Variants in PTGER4 observed in about 807,000 individuals in gnomAD.
PTGER4 encodes prostaglandin E receptor 4.
PTGER4 carries 11 observed loss-of-function variants against 33.2 expected under a neutral mutation model. The observed-to-expected ratio is 0.33, with a 90% CI of 0.21 to 0.55. PTGER4 has a LOEUF of 0.55. PTGER4 is among the 20% of genes least tolerant of loss of function. The pLI is 0.92. For synonymous variants in PTGER4, 275 were observed against 281.5 expected, an observed-to-expected ratio of 0.98 and a Z score of 0.23; for missense variants, 481 against 650.2, an observed-to-expected ratio of 0.74 and a Z score of 2.83.
intron 2 of PTGER4, among the ~76,000 whole-genome samples, chr5:40,690,718 T>C (rs1279810074): frequency 6.6e-6 from 1 of 152,218 alleles, no homozygotes; most frequent in African/African-American, 2.4e-5. Context: ...GATTAGATGG[T>C]TAATTGACTT....
At chr5:40,717,889 C>T in the PTGER4 span, among the ~76,000 whole-genome samples, 1 of 151,776 alleles carries the variant, frequency 6.6e-6, no homozygotes, top group Admixed American at 6.6e-5. Flanking sequence ...GGTGAAAACC[C>T]GTCTCTACTA....
chr5:40,696,722 TTTAACCA>T (rs1400323421), downstream of PTGER4: 1 of 981,086 alleles, frequency 1.0e-6, no homozygotes, highest in African/African-American at 1.8e-5. Flanking sequence ...CCTAAGAACG[TTTAACCA>T]CAGCAACTCT....
At chr5:40,723,520 A>T in the PTGER4 span, among the ~76,000 whole-genome samples, 65 of 152,182 alleles carry the variant, frequency 4.3e-4, no homozygotes, top group Admixed American at 3.4e-3. Flanking sequence ...ATTAAAAAAA[A>T]AAAAAAAAGA....
chr5:40,743,039 C>G, the PTGER4 span, among the ~76,000 whole-genome samples: 1 of 152,126 alleles, frequency 6.6e-6, no homozygotes, highest in African/African-American at 2.4e-5. Context: ...CTGGAGCTTA[C>G]ATTCTTACAA....
chr5:40,713,625 G>A, the PTGER4 span, among the ~76,000 whole-genome samples: 1 of 152,108 alleles, frequency 6.6e-6, no homozygotes, highest in African/African-American at 2.4e-5. Context: ...AATGATATAT[G>A]ATTCTTGTGT....
At chr5:40,706,636 G>A in the PTGER4 span, among the ~76,000 whole-genome samples, 1 of 151,754 alleles carries the variant, frequency 6.6e-6, no homozygotes, top group Non-Finnish European at 1.5e-5. Flanking sequence ...AAATCTTTGT[G>A]ATTTGGGAGT....
At chr5:40,712,097 G>A in the PTGER4 span, among the ~76,000 whole-genome samples, 5 of 152,014 alleles carry the variant, frequency 3.3e-5, no homozygotes, top group African/African-American at 1.2e-4. Context: ...AGTTAATAGA[G>A]GTGAACAGAG....
chr5:40,711,132 T>A, the PTGER4 span, among the ~76,000 whole-genome samples: 1 of 151,900 alleles, frequency 6.6e-6, no homozygotes, highest in African/African-American at 2.4e-5. Context: ...GATAGGAAGA[T>A]AATATACACA....
chr5:40,746,263 T>C, the PTGER4 span, among the ~76,000 whole-genome samples: 1 of 152,166 alleles, frequency 6.6e-6, no homozygotes, highest in Non-Finnish European at 1.5e-5. Context: ...TGGGTGCATA[T>C]AGGAACAACT....
At chr5:40,732,048 CAG>C in the PTGER4 span, among the ~76,000 whole-genome samples, 1 of 152,196 alleles carries the variant, frequency 6.6e-6, no homozygotes, top group African/African-American at 2.4e-5. Context: ...TTTTGAGAGA[CAG>C]AGTCTTGCTC....
chr5:40,710,977 AATG>A, the PTGER4 span, among the ~76,000 whole-genome samples: 37 of 152,224 alleles, frequency 2.4e-4, no homozygotes, highest in African/African-American at 8.7e-4. Context: ...ACCTAATGTA[AATG>A]ATGAGTTAAT....
chr5:40,709,120 A>C, the PTGER4 span, among the ~76,000 whole-genome samples: 12 of 152,154 alleles, frequency 7.9e-5, no homozygotes, highest in African/African-American at 1.4e-4. Context: ...TGAAAACTGG[A>C]ACAAGACAGG....
At position 40,681,897 on chromosome 5, in the gene PTGER4, T is replaced by G; in HGVS notation, c.867+37T>G. 1 of 1,478,430 alleles carries G rather than the reference T, an allele frequency of 6.8e-7. No individual in the cohort carries two copies. The allele number at this position is 1,478,430 out of a possible 1,614,324, so 91.6% of individuals were successfully genotyped here. On this transcript the variant is annotated intron_variant, in intron 2 of 2. Transcript: ENST00000302472. The surrounding 1 kb of genome is among the most constrained non-coding windows in gnomAD (Gnocchi z 9.8). ...GGGCTGGGGCCCTACTCGGCCTTTT[T>G]CTCGCATCCACCTCCCGCGTCCATT...
At chr5:40,696,451 CA>C (rs933588631), downstream of PTGER4, among the ~76,000 whole-genome samples, 32 of 152,122 alleles carry the variant, frequency 2.1e-4, no homozygotes, top group African/African-American at 7.7e-4. Context: ...AAATAGAACC[CA>C]AAAAAACAAG....
In PTGER4 at chr5:40,683,179, G is replaced by A. The variant is rs939609101; in HGVS notation, c.867+1319G>A. On this transcript the variant is annotated intron_variant, in intron 2 of 2. Coordinates refer to ENST00000302472, the MANE Select transcript of PTGER4 (RefSeq NM_000958.3). This position sits in a 1 kb window ranked among gnomAD's most constrained non-coding sequence, Gnocchi z 4.2. ...AACAAGAGAATATAAAATGTAATGG[G>A]CTATTATTCCTTCCTTTTCCTTATT... Among the ~76,000 whole-genome samples the A allele has an allele frequency of 5.3e-5, 8 of 152,138 alleles. No individual in the cohort carries two copies. Among genetic ancestry groups the A allele is most frequent in the African/African-American group, 1.9e-4 (8 of 41,428 alleles).
chr5:40,685,445 A>C (rs1301007895), intron 2 of PTGER4: 1 of 985,346 alleles, frequency 1.0e-6, no homozygotes, highest in Non-Finnish European at 1.2e-6. Flanking sequence ...ATGAGTGTGA[A>C]GCACATCTAT....
At position 40,691,842 on chromosome 5, in the gene PTGER4, G is replaced by C; in HGVS notation, c.931G>C (p.Asp311His). 6.2e-7 allele frequency: 1 copy of C among 1,614,226 alleles called. No homozygotes were observed. The highest frequency in any genetic ancestry group is 8.5e-7 in the Non-Finnish European group (1 of 1,180,042). Residue 311 changes from aspartate (D) to histidine (H), a missense_variant, in exon 3 of 3, where the codon GAT becomes CAT. Around this residue, in one of 7 missense-constraint regions of PTGER4, gnomAD observed 174 missense variants for 210.5 expected, o/e 0.83. Coordinates refer to ENST00000302472, the MANE Select transcript of PTGER4 (RefSeq NM_000958.3). The surrounding 1 kb of genome is among the most constrained non-coding windows in gnomAD (Gnocchi z 4.2). Reference sequence around the variant, plus strand: ...GGAGCGAGAAGTCAGTAAAAATCCAGATTTGCAGGCCATCCGAATTGCTTC... The same window carrying C: ...GGAGCGAGAAGTCAGTAAAAATCCACATTTGCAGGCCATCCGAATTGCTTC... ...SLEREVSKNP[D>H]LQAIRIASVN...
the PTGER4 span, among the ~76,000 whole-genome samples, chr5:40,738,838 T>C: frequency 0.34 from 52,059 of 151,986 alleles, 10,026 homozygotes; most frequent in Admixed American, 0.45. Context: ...TGGTCATTCA[T>C]ATATTTTCTT....
At chr5:40,739,878 GT>G in the PTGER4 span, among the ~76,000 whole-genome samples, 2 of 151,930 alleles carry the variant, frequency 1.3e-5, no homozygotes. Flanking sequence ...TTTTATACAT[GT>G]TTTGCTGAAT....
Sources: gnomAD v4.1 joint callset for allele counts (sites outside exome capture counted in the v4.1 genomes callset) on GRCh38, gnomAD v4.1.1 for gene constraint, gnomAD v4.1.1 regional missense constraint, Gnocchi (gnomAD v3.1) non-coding constraint, MANE v1.5 for transcripts, NCBI Gene and HGNC (gene_info 2026-07-23, HGNC 2026-07-21) for gene names.